FANCL: variants seen among roughly 807,000 people sequenced by gnomAD.
FANCL encodes FA complementation group L, also known as E3 ubiquitin-protein ligase FANCL.
Under a neutral mutation model 59.4 loss-of-function variants are expected in FANCL, and 69 were observed. The observed-to-expected ratio is 1.16, with a 90% CI of 0.96 to 1.42. The LOEUF is 1.42. FANCL is among the 40% of genes most tolerant of loss of function. The pLI is 0.00. For missense variants in FANCL, 519 were observed against 447.2 expected (o/e 1.16, Z -1.45); for synonymous variants, 180 against 147.1 (o/e 1.22, Z -1.62).
chr2:58,209,529 T>C (rs554404993), intron 5 of FANCL, among the ~76,000 whole-genome samples: 1 of 152,226 alleles, frequency 6.6e-6, no homozygotes, highest in Admixed American at 6.5e-5. Flanking sequence ...AAAATTATCA[T>C]TATTGGTTGT....
rs1693401507 is a variant in FANCL at position 58,229,844 on chromosome 2, T to C, written c.186A>G (p.Ile62Met). Residue 62 changes from isoleucine (I) to methionine (M), a missense_variant, in exon 3 of 14, where the codon ATA (isoleucine) becomes ATG (methionine). Physicochemically the swap from Ile to Met is conservative, Grantham distance 10. Transcript: ENST00000233741. ...RLLCSWQLRT[I>M]LSGYHRIVQQ... ...GTACTATTCGATGGTATCCACTAAG[T>C]ATTGTTCTCAGCTGCCAACTACATA... 1.2e-6 allele frequency: 2 copies of C among 1,611,342 alleles called. No individual in the cohort carries two copies. Among genetic ancestry groups the C allele is most frequent in the Non-Finnish European group, 1.7e-6 (2 of 1,177,588 alleles).
intron 8 of FANCL, among the ~76,000 whole-genome samples, chr2:58,165,167 T>C (rs1685764820): frequency 6.6e-6 from 1 of 152,168 alleles, no homozygotes; most frequent in Non-Finnish European, 1.5e-5. Flanking sequence ...GAGAACATGA[T>C]AACATTGCAC....
intron 7 of FANCL, among the ~76,000 whole-genome samples, chr2:58,175,029 T>A (rs187275051): frequency 0.14 from 20,821 of 151,484 alleles, 1,699 homozygotes; most frequent in African/African-American, 0.22. Flanking sequence ...AACTAGAAAA[T>A]CTAGAAGAAA....
chr2:58,169,650 C>A (rs1686337111), intron 7 of FANCL, among the ~76,000 whole-genome samples: 1 of 151,400 alleles, frequency 6.6e-6, no homozygotes. Flanking sequence ...AAGCTAAGAA[C>A]CTTGAAAAAA....
chr2:58,212,335 G>C (rs551807224), intron 5 of FANCL, among the ~76,000 whole-genome samples: 8 of 152,130 alleles, frequency 5.3e-5, no homozygotes, highest in African/African-American at 1.9e-4. Context: ...AACTGCCCCC[G>C]TGATTAAATT....
intron 6 of FANCL, 85 bp from the exon 7 acceptor site, chr2:58,198,747 G>A (rs931330313): frequency 2.1e-5 from 23 of 1,098,820 alleles, no homozygotes; most frequent in Non-Finnish European, 2.8e-5. Context: ...GATGTATTAG[G>A]GGCCGGGCGC....
At chr2:58,222,849 T>A (rs1692618411) in intron 4 of FANCL, among the ~76,000 whole-genome samples, 1 of 150,778 alleles carries the variant, frequency 6.6e-6, no homozygotes, top group Non-Finnish European at 1.5e-5. Flanking sequence ...AAAAAGTAAA[T>A]AATTAATTAA....
intron 5 of FANCL, among the ~76,000 whole-genome samples, chr2:58,212,327 C>A (rs1284614932): frequency 6.6e-6 from 1 of 152,186 alleles, no homozygotes; most frequent in East Asian, 1.9e-4. Context: ...ATGGGGGAAA[C>A]TGCCCCCGTG....
chr2:58,175,030 C>G (rs564756554), intron 7 of FANCL, among the ~76,000 whole-genome samples: 1 of 152,008 alleles, frequency 6.6e-6, no homozygotes, highest in African/African-American at 2.4e-5. Flanking sequence ...ACTAGAAAAT[C>G]TAGAAGAAAT....
At chr2:58,174,607 T>C (rs956881599) in intron 7 of FANCL, among the ~76,000 whole-genome samples, 7 of 151,736 alleles carry the variant, frequency 4.6e-5, no homozygotes, top group African/African-American at 1.5e-4. Context: ...AAAGACACAA[T>C]ATACCAGAAT....
chr2:58,177,734 A>C (rs1334083931), intron 7 of FANCL, among the ~76,000 whole-genome samples: 19 of 151,902 alleles, frequency 1.3e-4, no homozygotes, highest in Non-Finnish European at 2.4e-4. Flanking sequence ...ATACATATGT[A>C]AGTAACCTGC....
chr2:58,208,768 C>T (rs1295668933), intron 5 of FANCL, among the ~76,000 whole-genome samples: 1 of 152,198 alleles, frequency 6.6e-6, no homozygotes, highest in Non-Finnish European at 1.5e-5. Flanking sequence ...CGTGTCTTTA[C>T]TTCGTCTCTG....
intron 1 of FANCL, among the ~76,000 whole-genome samples, chr2:58,232,746 G>A (rs965264793): frequency 6.6e-6 from 1 of 151,916 alleles, no homozygotes; most frequent in African/African-American, 2.4e-5. Context: ...AGAGAAGAAA[G>A]ACCTCTGAGA....
intron 7 of FANCL, among the ~76,000 whole-genome samples, chr2:58,184,422 T>G (rs1322715936): frequency 6.6e-6 from 1 of 151,992 alleles, no homozygotes; most frequent in African/African-American, 2.4e-5. Context: ...ACTCTTGAGT[T>G]TTGGAATAGG....
At chr2:58,208,404 T>C (rs914929978) in intron 5 of FANCL, among the ~76,000 whole-genome samples, 3 of 152,202 alleles carry the variant, frequency 2.0e-5, no homozygotes, top group Non-Finnish European at 4.4e-5. Context: ...ATAAGTTAAA[T>C]TTTTTAAACA....
intron 5 of FANCL, among the ~76,000 whole-genome samples, chr2:58,211,117 C>G (rs1208017863): frequency 6.6e-6 from 1 of 152,210 alleles, no homozygotes; most frequent in Non-Finnish European, 1.5e-5. Flanking sequence ...CCGCATTGTC[C>G]TAACAGAGGT....
rs1684931796 is a variant in FANCL, at chr2:58,160,276, T to C, written c.1021-97A>G. ...CTTTGTTTTTAAGTGCATTATGTTT[T>C]TATTCCAGAAGACTTAGCTTAATTT... On this transcript the variant is annotated intron_variant, in intron 12 of 13. Coordinates refer to ENST00000233741, the MANE Select transcript of FANCL (RefSeq NM_018062.4). 11 of 1,263,872 alleles carry C rather than the reference T, an allele frequency of 8.7e-6. No homozygotes were observed. The South Asian group carries it at 1.2e-4, about 14-fold the overall frequency. The allele number at this position is 1,263,872 out of a possible 1,614,324, so 78.3% of individuals were successfully genotyped here.
At chr2:58,201,897 T>TA (rs1023217415) in intron 6 of FANCL, among the ~76,000 whole-genome samples, 7 of 151,800 alleles carry the variant, frequency 4.6e-5, no homozygotes, top group Admixed American at 3.3e-4. Context: ...ACTGTATATT[T>TA]AAAAAATCAA....
At chr2:58,170,497 G>C (rs1218889764) in intron 7 of FANCL, among the ~76,000 whole-genome samples, 7 of 152,060 alleles carry the variant, frequency 4.6e-5, no homozygotes, top group Non-Finnish European at 1.0e-4. Flanking sequence ...TAACCAGCTA[G>C]CATCATAATG....
Sources: allele counts gnomAD v4.1 joint callset (sites outside exome capture counted in the v4.1 genomes callset), GRCh38; gene constraint gnomAD v4.1.1; transcripts MANE v1.5; gene names NCBI Gene and HGNC (gene_info 2026-07-23, HGNC 2026-07-21).